Variants in SETD7 observed in about 807,000 individuals in gnomAD.
The protein encoded by SETD7 is SET domain containing 7, histone lysine methyltransferase.
In SETD7, 16 loss-of-function variants were observed where a neutral mutation model predicts 41.8. That is an observed-to-expected ratio of 0.38 (90% CI 0.26 to 0.58). SETD7 has a LOEUF of 0.58. Ranked by LOEUF, SETD7 falls within the 20% of genes least tolerant of loss-of-function variation. SETD7 has a pLI of 0.64. For missense variants in SETD7, 346 were observed against 459.7 expected (o/e 0.75, Z 2.26); for synonymous variants, 163 against 169.7 (o/e 0.96, Z 0.31).
intron 3 of SETD7, among the ~76,000 whole-genome samples, chr4:139,530,462 TAGAA>T (rs1311224751): frequency 6.6e-6 from 1 of 151,358 alleles, no homozygotes; most frequent in Non-Finnish European, 1.5e-5. Flanking sequence ...TTTTAATGGA[TAGAA>T]AGTGCACTAG....
intron 2 of SETD7, among the ~76,000 whole-genome samples, chr4:139,541,746 G>A (rs950998272): frequency 1.3e-5 from 2 of 152,208 alleles, no homozygotes; most frequent in African/African-American, 2.4e-5. Flanking sequence ...TAAGCTGGTT[G>A]TAGTAACTTA....
chr4:139,543,277 A>G (rs1034978024), intron 2 of SETD7, among the ~76,000 whole-genome samples: 2 of 152,270 alleles, frequency 1.3e-5, no homozygotes, highest in African/African-American at 4.8e-5. Context: ...ACAAATATAA[A>G]TAAAAACTGC....
intron 2 of SETD7, 180 bp downstream of exon 2, chr4:139,546,740 C>T (rs1727958848): frequency 1.3e-6 from 1 of 748,962 alleles, no homozygotes; most frequent in African/African-American, 1.8e-5. Flanking sequence ...CTTAGGCTGG[C>T]TGTCCCATAA....
At chr4:139,533,873 T>C (rs1727560444) in intron 2 of SETD7, among the ~76,000 whole-genome samples, 1 of 152,236 alleles carries the variant, frequency 6.6e-6, no homozygotes, top group Admixed American at 6.5e-5. Context: ...GTATTATTTA[T>C]CATTAATAGC....
rs1726736586 is a variant in SETD7 at position 139,507,422 on chromosome 4, TG to T, written c.*4240del. 1 of 152,636 alleles carries T rather than the reference TG, an allele frequency of 6.6e-6. No individual in the cohort carries two copies. The highest frequency in any genetic ancestry group is 6.5e-5 in the Admixed American group (1 of 15,282). The allele number at this position is 152,636 out of a possible 1,614,324, so 9.5% of individuals were successfully genotyped here. A position where few individuals can be genotyped will look rare whatever the true frequency, so the allele number is the denominator to read the frequency against. On this transcript the variant is annotated 3_prime_UTR_variant, in exon 8 of 8. Coordinates refer to ENST00000274031, the MANE Select transcript of SETD7 (RefSeq NM_030648.4). Reference sequence around the variant, plus strand: ...GGAAGTTGCTGAGAGTCAGAGTTATTGTAGGCTTTTGATTTTTAAAAATCAA... The same window carrying T: ...GGAAGTTGCTGAGAGTCAGAGTTATTTAGGCTTTTGATTTTTAAAAATCAA...
At chr4:139,501,705 A>G (rs1208768802), downstream of SETD7, among the ~76,000 whole-genome samples, 1 of 152,230 alleles carries the variant, frequency 6.6e-6, no homozygotes, top group Non-Finnish European at 1.5e-5. Flanking sequence ...ACATCCAGGA[A>G]GATATGCCTA....
chr4:139,518,172 G>T, intron 6 of SETD7, 130 bp from the exon 7 acceptor site: 1 of 993,418 alleles, frequency 1.0e-6, no homozygotes, highest in Non-Finnish European at 1.4e-6. Context: ...CTGTCACCTA[G>T]GCTGGAGCGC....
At chr4:139,522,243 G>A (rs935059133) in intron 5 of SETD7, among the ~76,000 whole-genome samples, 1 of 152,178 alleles carries the variant, frequency 6.6e-6, no homozygotes, top group Non-Finnish European at 1.5e-5. Flanking sequence ...GATGGGAACA[G>A]AAACTGAATG....
rs1405539342 is a variant in SETD7 at position 139,507,170 on chromosome 4, A to G, written c.*4493T>C. 1.3e-5 allele frequency: 2 copies of G among 152,836 alleles called. No homozygotes were observed. The highest frequency in any genetic ancestry group is 2.9e-5 in the Non-Finnish European group (2 of 68,198). The allele number at this position is 152,836 out of a possible 1,614,324, so 9.5% of individuals were successfully genotyped here. Reference sequence around the variant, plus strand: ...CGGGAAACCGAGTTTCGAGGTTCACATGGCCAAGTCTGGCTTCTGATTCTG... The same window carrying G: ...CGGGAAACCGAGTTTCGAGGTTCACGTGGCCAAGTCTGGCTTCTGATTCTG... On this transcript the variant is annotated 3_prime_UTR_variant, in exon 8 of 8. Transcript: ENST00000274031.
chr4:139,520,334 A>G lies in SETD7; in HGVS notation c.705T>C (p.Ala235=), dbSNP rs778347974. The G allele has an allele frequency of 1.2e-6, 2 of 1,612,066 alleles. No individual in the cohort carries two copies. Among genetic ancestry groups the G allele is most frequent in the Non-Finnish European group, 8.5e-7 (1 of 1,178,996 alleles). ...SAGEGLFSKV[A]VGPNTVMSFY... ...AAGACATAACAGTATTAGGTCCCAC[A>G]GCTACCTTTGAAAAAAGTCCTTCTC... is the stretch of plus-strand genomic sequence containing the variant. The change falls in exon 6 of 8, where the codon GCT becomes GCC. Residue 235 remains alanine, a synonymous_variant. Coordinates refer to ENST00000274031, the MANE Select transcript of SETD7 (RefSeq NM_030648.4).
rs754667438 is a variant in SETD7 at position 139,547,032 on chromosome 4, C to A, written c.58G>T (p.Gly20Ter). ...ACTGTGCAGAACCCGTGCGGTAATCCGTCATCGTCCAGGTGCCCTGGAGAA... is the reference window on the plus strand; with the variant it reads ...ACTGTGCAGAACCCGTGCGGTAATCAGTCATCGTCCAGGTGCCCTGGAGAA... Reference protein sequence around the residue: ...EAVEGHLDDDGLPHGFCTVTY... With the variant: ...EAVEGHLDDD The change falls in exon 2 of 8, where the codon GGA becomes TGA. Residue 20 changes from glycine to a stop codon, truncating the protein, a stop_gained. Transcript: ENST00000274031. LOFTEE classifies it high-confidence loss of function. The A allele has an allele frequency of 6.2e-7, 1 of 1,613,974 alleles. No homozygotes were observed. Among genetic ancestry groups the A allele is most frequent in the Non-Finnish European group, 8.5e-7 (1 of 1,179,974 alleles).
At chr4:139,548,067 G>C (rs1728011457) in intron 1 of SETD7, 1 of 152,190 alleles carries the variant, frequency 6.6e-6, no homozygotes, top group Admixed American at 6.5e-5. Flanking sequence ...TTGCAGAGGT[G>C]GGTGAAAATG....
chr4:139,502,066 T>C (rs1415141724), downstream of SETD7, among the ~76,000 whole-genome samples: 1 of 152,228 alleles, frequency 6.6e-6, no homozygotes, highest in Non-Finnish European at 1.5e-5. Context: ...AAAGAAGTTA[T>C]GTCACACAGC....
chr4:139,525,907 G>A (rs1234496620), intron 4 of SETD7, among the ~76,000 whole-genome samples: 1 of 152,168 alleles, frequency 6.6e-6, no homozygotes, highest in African/African-American at 2.4e-5. Context: ...GCCCTTTTGA[G>A]GCTCAAACTA....
chr4:139,520,394 C>T lies in SETD7; in HGVS notation c.645G>A (p.Arg215=), dbSNP rs993238022. Residue 215 remains arginine, a splice_region_variant and synonymous_variant, in exon 6 of 8, where the codon AGG becomes AGA. Transcript: ENST00000274031. ...ALLPDPYESE[R]VYVAESLISS... is the part of the protein sequence containing the mutation. ...AAATAAGAGATTCAGCAACATAAACCCTAAATTGAAAAAAGAGTTGAATAG... is the reference window on the plus strand; with the variant it reads ...AAATAAGAGATTCAGCAACATAAACTCTAAATTGAAAAAAGAGTTGAATAG... 1.9e-6 allele frequency: 3 copies of T among 1,579,350 alleles called. No individual in the cohort carries two copies. Among genetic ancestry groups the T allele is most frequent in the East Asian group, 2.3e-5 (1 of 44,158 alleles).
In SETD7 at chr4:139,511,310, A is replaced by G. The variant is rs1322969933; in HGVS notation, c.*353T>C. 1 of 283,256 alleles carries G rather than the reference A, an allele frequency of 3.5e-6. No homozygotes were observed. The highest frequency in any genetic ancestry group is 6.7e-6 in the Non-Finnish European group (1 of 149,910). 17.5% of individuals were successfully genotyped at this position (283,256 alleles called of 1,614,324 possible). A position where few individuals can be genotyped will look rare whatever the true frequency, so the allele number is the denominator to read the frequency against. On this transcript the variant is annotated 3_prime_UTR_variant, in exon 8 of 8. Transcript: ENST00000274031. Reference sequence around the variant, plus strand: ...CATAGGAAAAAAGCACTATGGAAAAACCACTGACTAAAAATGACTGAAAAA... The same window carrying G: ...CATAGGAAAAAAGCACTATGGAAAAGCCACTGACTAAAAATGACTGAAAAA...
intron 2 of SETD7, among the ~76,000 whole-genome samples, chr4:139,534,268 A>C (rs1727575711): frequency 6.6e-6 from 1 of 152,236 alleles, no homozygotes; most frequent in African/African-American, 2.4e-5. Flanking sequence ...AAGTACTAAA[A>C]TTTGGAATAG....
chr4:139,512,918 C>T (rs1726922365), intron 7 of SETD7, among the ~76,000 whole-genome samples: 1 of 151,582 alleles, frequency 6.6e-6, no homozygotes, highest in South Asian at 2.1e-4. Flanking sequence ...CTACCATGGC[C>T]AGAAGATTTT....
intron 7 of SETD7, among the ~76,000 whole-genome samples, chr4:139,517,613 G>A (rs1727064281): frequency 1.3e-5 from 2 of 152,106 alleles, no homozygotes; most frequent in African/African-American, 4.8e-5. Flanking sequence ...AAGAAAAGCG[G>A]CTATAAAACA....
Sources: allele counts gnomAD v4.1 joint callset (sites outside exome capture counted in the v4.1 genomes callset), GRCh38; gene constraint gnomAD v4.1.1; transcripts MANE v1.5; gene names NCBI Gene and HGNC (gene_info 2026-07-23, HGNC 2026-07-21).